Variants in FAT2 observed in about 807,000 individuals in gnomAD.
FAT2 encodes the protein FAT atypical cadherin 2, also known as protocadherin Fat 2.
FAT2 carries 150 observed loss-of-function variants against 295.3 expected under a neutral mutation model. That is an observed-to-expected ratio of 0.51 (90% CI 0.44 to 0.58). FAT2 has a LOEUF of 0.58. Among genes scored for constraint, FAT2 ranks in the 20% least tolerant of loss-of-function variants. The probability of loss-of-function intolerance (pLI) is 0.00; values close to 1 mark genes in which losing one functional copy is unlikely to be tolerated. For synonymous variants in FAT2, 2,026 were observed against 2,150.3 expected (o/e 0.94, Z 1.60); for missense variants, 4,868 against 5,442.7 (o/e 0.89, Z 3.32).
At chr5:151,577,034 G>A (rs1758774320) in intron 1 of FAT2, among the ~76,000 whole-genome samples, 1 of 152,162 alleles carries the variant, frequency 6.6e-6, no homozygotes, top group Non-Finnish European at 1.5e-5. Context: ...AATTTTATGA[G>A]ACCACTCTCA....
At chr5:151,532,567 A>G (rs1352365594) in intron 13 of FAT2, among the ~76,000 whole-genome samples, 3 of 152,244 alleles carry the variant, frequency 2.0e-5, no homozygotes, top group African/African-American at 7.2e-5. Context: ...TGAAGAGGGC[A>G]CACAGTCCCC....
At chr5:151,564,791 G>A (rs543490155) in intron 2 of FAT2, among the ~76,000 whole-genome samples, 44 of 152,192 alleles carry the variant, frequency 2.9e-4, no homozygotes, top group South Asian at 2.1e-3. Flanking sequence ...AGAATTTTTC[G>A]GCCGGGCATG....
chr5:151,576,264 A>T (rs2127656533), intron 1 of FAT2, among the ~76,000 whole-genome samples: 1 of 152,330 alleles, frequency 6.6e-6, no homozygotes, highest in South Asian at 2.1e-4. Flanking sequence ...AGCTTTTGGA[A>T]TGAATATGTC....
chr5:151,565,571 T>C (rs145347841), intron 2 of FAT2, 102 bp downstream of exon 2: 3 of 1,216,344 alleles, frequency 2.5e-6, no homozygotes, highest in Non-Finnish European at 3.4e-6. Flanking sequence ...CATTTCAGCC[T>C]GCAGGCTGAC....
intron 1 of FAT2, among the ~76,000 whole-genome samples, chr5:151,572,379 A>T (rs1452143734): frequency 6.6e-6 from 1 of 152,212 alleles, no homozygotes. Context: ...GAAGCTGGAA[A>T]ATAAAGTCCC....
chr5:151,549,262 C>A (rs2127618643), intron 9 of FAT2, 33 bp downstream of exon 9: 1 of 1,599,304 alleles, frequency 6.3e-7, no homozygotes, highest in Non-Finnish European at 8.5e-7. Context: ...AGCATCTTGA[C>A]CCATCCTCTG....
Position 151,546,134 on chromosome 5 carries a change from A to T in FAT2, c.4993T>A (p.Tyr1665Asn), listed in dbSNP as rs2127614063. ...RSAPIFSKSE[Y>N]FVEIPESIPV... ...ATTGATTCAGGGATCTCTACAAAGTACTCAGATTTTGAAAAGATGGGGGCA... is the reference window on the plus strand; with the variant it reads ...ATTGATTCAGGGATCTCTACAAAGTTCTCAGATTTTGAAAAGATGGGGGCA... Residue 1665 changes from tyrosine to asparagine, a missense_variant, in exon 10 of 24, where the codon TAC (tyrosine) becomes AAC (asparagine). By Grantham distance (143) the Tyr-to-Asn change is moderately radical (BLOSUM62 -2). Coordinates refer to ENST00000261800, the MANE Select transcript of FAT2 (RefSeq NM_001447.3). 1 of 1,614,174 alleles carries T rather than the reference A, an allele frequency of 6.2e-7. No individual in the cohort carries two copies.
At chr5:151,587,144 AAAAACAAAAAACAAAAC>A (rs1313943445) in intron 1 of FAT2, among the ~76,000 whole-genome samples, 1 of 148,566 alleles carries the variant, frequency 6.7e-6, no homozygotes, top group Non-Finnish European at 1.5e-5. Flanking sequence ...TCCGTCTCAA[AAAAACAAAAAACAAAAC>A]AAAACAAAAA....
At chr5:151,590,401 C>T (rs571253840) in intron 1 of FAT2, among the ~76,000 whole-genome samples, 1 of 152,374 alleles carries the variant, frequency 6.6e-6, no homozygotes, top group Admixed American at 6.5e-5. Flanking sequence ...GCTCTGAGAA[C>T]TGAACTCTAG....
In FAT2 at chr5:151,512,507, T is replaced by C. The variant is rs1442867280; in HGVS notation, c.11563A>G (p.Ile3855Val). 1 of 1,614,128 alleles carries C rather than the reference T, an allele frequency of 6.2e-7. No homozygotes were observed. Among genetic ancestry groups the C allele is most frequent in the Non-Finnish European group, 8.5e-7 (1 of 1,180,008 alleles). ...GAAGCGTCCATCTCCTCCACCAGGA[T>C]GGAGTGCCACTCGTGGTCATTCACA... The part of the protein sequence containing the change: ...RHVNDHEWHS[I>V]LVEEMDASIR... Residue 3855 changes from isoleucine to valine, a missense_variant, in exon 21 of 24, where the codon ATC (isoleucine) becomes GTC (valine). Physicochemically the swap from Ile to Val is conservative, Grantham distance 29 (BLOSUM62 3). Transcript: ENST00000261800. This position sits in a 1 kb window ranked among gnomAD's most constrained non-coding sequence, Gnocchi z 4.1.
At chr5:151,507,637 C>G (rs1404048521) in intron 22 of FAT2, 26 bp from the exon 23 acceptor site, 1 of 1,566,902 alleles carries the variant, frequency 6.4e-7, no homozygotes. Context: ...AGTCAGGGGG[C>G]CAAGTCATGA....
intron 21 of FAT2, 118 bp from the exon 22 acceptor site, chr5:151,510,292 C>T (rs929462838): frequency 1.6e-6 from 2 of 1,238,220 alleles, no homozygotes; most frequent in African/African-American, 1.5e-5. Context: ...TATTTGGTTG[C>T]TCCCCTCTGT....
At chr5:151,519,524 T>C (rs780085029) in intron 19 of FAT2, among the ~76,000 whole-genome samples, 2 of 152,146 alleles carry the variant, frequency 1.3e-5, no homozygotes, top group Non-Finnish European at 2.9e-5. Context: ...TCTCGGAGAA[T>C]CTGATTCAGT....
At chr5:151,557,549 AG>A (rs1425761495) in intron 3 of FAT2, among the ~76,000 whole-genome samples, 1 of 152,190 alleles carries the variant, frequency 6.6e-6, no homozygotes, top group Non-Finnish European at 1.5e-5. Context: ...CAACAAGAAG[AG>A]GGACTCCTGA....
rs1758359232 is a variant in FAT2, at chr5:151,568,001, C to T, written c.931G>A (p.Glu311Lys). ...TCTTTGACAGACACCAAACTGAACT[C>T]ATTGCTCCGGGCATAAGACTTGATG... ...KAIKSYARSN[E>K]FSLVSVKDIN... The change falls in exon 2 of 24, where the codon GAG becomes AAG. Residue 311 changes from glutamate to lysine, a missense_variant. By Grantham distance (56) the Glu-to-Lys change is moderately conservative. Transcript: ENST00000261800. 1.2e-6 allele frequency: 2 copies of T among 1,614,212 alleles called. No individual in the cohort carries two copies. Among genetic ancestry groups the T allele is most frequent in the Non-Finnish European group, 1.7e-6 (2 of 1,180,028 alleles).
chr5:151,562,170 C>A (rs1437534477), intron 3 of FAT2, among the ~76,000 whole-genome samples: 1 of 152,142 alleles, frequency 6.6e-6, no homozygotes, highest in Admixed American at 6.5e-5. Context: ...CTCACCCACC[C>A]CTCTGTCTGC....
intron 16 of FAT2, 103 bp from the exon 17 acceptor site, chr5:151,527,480 C>T (rs952535602): frequency 9.3e-6 from 11 of 1,189,130 alleles, no homozygotes; most frequent in Non-Finnish European, 1.3e-5. Flanking sequence ...GAAGGAGACA[C>T]TTTCCTATGC....
rs73272093 is a variant in FAT2 at position 151,559,139 on chromosome 5, A to G, written c.3575-2737T>C. On this transcript the variant is annotated intron_variant, in intron 3 of 23. Transcript: ENST00000261800. ...AGCTCAGCGAGGGGAACAGGGATTCAGTTCTGGGCCAGAGCCTCCAGTCAT... is the reference window on the plus strand; with the variant it reads ...AGCTCAGCGAGGGGAACAGGGATTCGGTTCTGGGCCAGAGCCTCCAGTCAT... Among the ~76,000 whole-genome samples the G allele has an allele frequency of 7.1e-3, 1,076 of 152,334 alleles. 18 individuals carry two copies. Among genetic ancestry groups the G allele is most frequent in the African/African-American group, 0.025 (1,041 of 41,582 alleles).
chr5:151,589,267 T>G (rs2127665892), intron 1 of FAT2, among the ~76,000 whole-genome samples: 1 of 152,314 alleles, frequency 6.6e-6, no homozygotes, highest in South Asian at 2.1e-4. Flanking sequence ...TAAAACTTAA[T>G]GCCTGCCTGA....
Sources: gnomAD v4.1 joint callset for allele counts (sites outside exome capture counted in the v4.1 genomes callset) on GRCh38, gnomAD v4.1.1 for gene constraint, Gnocchi (gnomAD v3.1) non-coding constraint, MANE v1.5 for transcripts, NCBI Gene and HGNC (gene_info 2026-07-23, HGNC 2026-07-21) for gene names.